TMEM45A: variants seen among roughly 807,000 people sequenced by gnomAD.
TMEM45A encodes the protein DNA polymerase-transactivated protein 4.
TMEM45A carries 25 observed loss-of-function variants against 32.0 expected under a neutral mutation model. The ratio of observed to expected loss-of-function variants is 0.78; its 90% CI spans 0.57 to 1.09. The LOEUF (loss-of-function observed/expected upper bound fraction) is 1.09. TMEM45A is among the 50% of genes least tolerant of loss of function. The probability of loss-of-function intolerance (pLI) is 0.00; values close to 1 mark genes in which losing one functional copy is unlikely to be tolerated. For synonymous variants in TMEM45A, 122 were observed against 114.8 expected (o/e 1.06, Z -0.40); for missense variants, 302 against 325.0 (o/e 0.93, Z 0.54).
chr3:100,518,571 C>G (rs941066621), intron 1 of TMEM45A, among the ~76,000 whole-genome samples: 1 of 152,190 alleles, frequency 6.6e-6, no homozygotes, highest in African/African-American at 2.4e-5. Context: ...CATATGTGCA[C>G]TCCACACTCA....
intron 1 of TMEM45A, among the ~76,000 whole-genome samples, chr3:100,510,306 T>G (rs1241637504): frequency 6.6e-6 from 1 of 152,220 alleles, no homozygotes; most frequent in Admixed American, 6.5e-5. Context: ...AGTGGGTCCC[T>G]GACCCCTGAC....
At chr3:100,501,557 T>C (rs1051554980) in intron 1 of TMEM45A, among the ~76,000 whole-genome samples, 2 of 152,188 alleles carry the variant, frequency 1.3e-5, no homozygotes, top group Admixed American at 1.3e-4. Context: ...TAAAAACACA[T>C]AAATTGGATG....
chr3:100,567,843 G>A (rs1050569242), intron 4 of TMEM45A, among the ~76,000 whole-genome samples: 3 of 152,058 alleles, frequency 2.0e-5, no homozygotes, highest in Non-Finnish European at 4.4e-5. Context: ...GGAGAGCAGT[G>A]GCACAATCTC....
chr3:100,507,396 A>C (rs1708093113), intron 1 of TMEM45A, among the ~76,000 whole-genome samples: 1 of 152,338 alleles, frequency 6.6e-6, no homozygotes, highest in Admixed American at 6.5e-5. Flanking sequence ...ATTTGTGGGA[A>C]AGTTCCTACT....
chr3:100,574,069 T>C (rs1212430265), intron 5 of TMEM45A: 1 of 152,194 alleles, frequency 6.6e-6, no homozygotes, highest in African/African-American at 2.4e-5. Flanking sequence ...TCTTTTTTGG[T>C]TATGTCTCTG....
chr3:100,507,478 C>T (rs978330394), intron 1 of TMEM45A, among the ~76,000 whole-genome samples: 4 of 152,150 alleles, frequency 2.6e-5, no homozygotes, highest in Non-Finnish European at 5.9e-5. Context: ...GAATGGGACT[C>T]AAGGATTAGT....
At chr3:100,569,537 G>A (rs983830588) in intron 5 of TMEM45A, among the ~76,000 whole-genome samples, 6 of 152,168 alleles carry the variant, frequency 3.9e-5, no homozygotes, top group African/African-American at 1.4e-4. Context: ...ATTTTTAGCT[G>A]CACTATTTAT....
chr3:100,528,876 A>G (rs952094646), intron 1 of TMEM45A, among the ~76,000 whole-genome samples: 4 of 152,218 alleles, frequency 2.6e-5, no homozygotes, highest in African/African-American at 9.6e-5. Context: ...GCTTATTTTA[A>G]TGAACATTCA....
chr3:100,511,304 G>A (rs1708156311), intron 1 of TMEM45A, among the ~76,000 whole-genome samples: 1 of 152,210 alleles, frequency 6.6e-6, no homozygotes, highest in South Asian at 2.1e-4. Context: ...CCAGAAGAGA[G>A]TGGGGGCCAA....
At chr3:100,514,272 A>G (rs1466946264) in intron 1 of TMEM45A, among the ~76,000 whole-genome samples, 1 of 152,204 alleles carries the variant, frequency 6.6e-6, no homozygotes, top group African/African-American at 2.4e-5. Context: ...CGGTACCAAA[A>G]CAGAGATATA....
At chr3:100,507,225 C>CACTT (rs1708091222) in intron 1 of TMEM45A, among the ~76,000 whole-genome samples, 1 of 152,212 alleles carries the variant, frequency 6.6e-6, no homozygotes, top group Non-Finnish European at 1.5e-5. Flanking sequence ...CCTAGTTAGA[C>CACTT]ACTTGACTGC....
chr3:100,558,704 A>T (rs1267610617), intron 4 of TMEM45A, 115 bp downstream of exon 4: 2 of 1,037,036 alleles, frequency 1.9e-6, no homozygotes, highest in African/African-American at 3.2e-5. Context: ...CTGTAGTAAG[A>T]TCATGGGCCT....
intron 4 of TMEM45A, among the ~76,000 whole-genome samples, chr3:100,561,995 CA>C (rs2148988267): frequency 6.6e-6 from 1 of 152,282 alleles, no homozygotes; most frequent in East Asian, 1.9e-4. Context: ...GCAGATCAAA[CA>C]TTTGCTTAGG....
chr3:100,540,899 C>G lies in TMEM45A; in HGVS notation c.-3-14310C>G, dbSNP rs1705860133. Among the ~76,000 whole-genome samples the G allele has an allele frequency of 2.0e-5, 3 of 152,260 alleles. No homozygotes were observed. In the South Asian group the frequency reaches 6.2e-4, roughly 32 times the overall value. ...TAGTTCTAAGTTCTTTGGGAAATCT[C>G]CAAATGCTTTCCACAGGAACTGAAC... On this transcript the variant is annotated intron_variant, in intron 1 of 5. Coordinates refer to ENST00000323523, the MANE Select transcript of TMEM45A (RefSeq NM_018004.3).
At chr3:100,568,384 T>C (rs772284082) in intron 4 of TMEM45A, among the ~76,000 whole-genome samples, 2 of 152,198 alleles carry the variant, frequency 1.3e-5, no homozygotes, top group Non-Finnish European at 2.9e-5. Context: ...TCAATAGAAG[T>C]GTGAAAGCAG....
rs562520048 is a variant in TMEM45A at position 100,516,562 on chromosome 3, CT to C, written c.-4+23640del. Among the ~76,000 whole-genome samples, 10 of 152,260 alleles carry C rather than the reference CT, an allele frequency of 6.6e-5. No individual in the cohort carries two copies. In the East Asian group the frequency reaches 1.9e-3, roughly 29 times the overall value. On this transcript the variant is annotated intron_variant, in intron 1 of 5. Coordinates refer to ENST00000323523, the MANE Select transcript of TMEM45A (RefSeq NM_018004.3). The stretch of plus-strand genomic sequence containing the variant: ...TCGCAGTCTTATTCCCACGTCCTCA[CT>C]TTTTTCTCTTCCCTTTATTTCCTTC...
chr3:100,557,228 T>G (rs1045157020), intron 3 of TMEM45A, among the ~76,000 whole-genome samples: 30 of 152,222 alleles, frequency 2.0e-4, no homozygotes, highest in African/African-American at 7.2e-4. Context: ...AAAGGACCAC[T>G]TACAAAGGTT....
intron 4 of TMEM45A, 113 bp downstream of exon 4, chr3:100,558,702 A>G: frequency 9.5e-7 from 1 of 1,051,550 alleles, no homozygotes; most frequent in Non-Finnish European, 1.4e-6. Context: ...GCCTGTAGTA[A>G]GATCATGGGC....
chr3:100,515,420 T>C (rs1455198022), intron 1 of TMEM45A, among the ~76,000 whole-genome samples: 4 of 140,752 alleles, frequency 2.8e-5, no homozygotes, highest in Admixed American at 7.8e-5. Flanking sequence ...TAGGTGGGAA[T>C]TGAACAATGA....
Sources: gnomAD v4.1 joint callset for allele counts (sites outside exome capture counted in the v4.1 genomes callset) on GRCh38, gnomAD v4.1.1 for gene constraint, MANE v1.5 for transcripts, NCBI Gene and HGNC (gene_info 2026-07-23, HGNC 2026-07-21) for gene names.